SEMA3D: variants seen among roughly 807,000 people sequenced by gnomAD.
SEMA3D encodes the protein semaphorin 3D.
SEMA3D carries 84 observed loss-of-function variants against 100.1 expected under a neutral mutation model. That is an observed-to-expected ratio of 0.84 (90% CI 0.70 to 1.01). The LOEUF (loss-of-function observed/expected upper bound fraction) is 1.01, where lower values mean the gene tolerates loss of function less well. Ranked by LOEUF, SEMA3D falls within the 50% of genes least tolerant of loss-of-function variation. SEMA3D has a pLI of 0.00. For missense variants in SEMA3D, 875 were observed against 934.1 expected (o/e 0.94, Z 0.82); for synonymous variants, 312 against 320.7 (o/e 0.97, Z 0.29).
At chr7:85,197,660 G>A in the SEMA3D span, among the ~76,000 whole-genome samples, 1 of 152,222 alleles carries the variant, frequency 6.6e-6, no homozygotes, top group East Asian at 1.9e-4. Context: ...ATTTGGCTCA[G>A]AATAAATCTC....
intron 1 of SEMA3D, among the ~76,000 whole-genome samples, chr7:85,173,828 G>A (rs984725464): frequency 2.6e-5 from 4 of 152,130 alleles, no homozygotes; most frequent in Non-Finnish European, 4.4e-5. Context: ...AGCTGACAGA[G>A]CTAGTATCTG....
At chr7:85,119,324 T>C (rs1435064477) in intron 3 of SEMA3D, among the ~76,000 whole-genome samples, 1 of 152,192 alleles carries the variant, frequency 6.6e-6, no homozygotes, top group East Asian at 1.9e-4. Flanking sequence ...TGTATGTTCA[T>C]TGCAGCACTA....
chr7:85,245,018 A>G, the SEMA3D span, among the ~76,000 whole-genome samples: 56 of 152,202 alleles, frequency 3.7e-4, no homozygotes, highest in Middle Eastern at 3.4e-3. Flanking sequence ...GCCAGAATCT[A>G]TTTTGTTACT....
At chr7:85,063,313 C>A (rs1227767107) in intron 8 of SEMA3D, among the ~76,000 whole-genome samples, 1 of 152,084 alleles carries the variant, frequency 6.6e-6, no homozygotes, top group African/African-American at 2.4e-5. Flanking sequence ...ATGTCCTGGG[C>A]AAAGTAGGTC....
At chr7:85,081,632 ACT>A (rs1015584506) in intron 4 of SEMA3D, 53 bp from the exon 5 acceptor site, 6 of 1,185,698 alleles carry the variant, frequency 5.1e-6, no homozygotes, top group African/African-American at 1.5e-5. Flanking sequence ...ACACCCTAAC[ACT>A]CTGCAATTCT....
intron 4 of SEMA3D, among the ~76,000 whole-genome samples, chr7:85,086,365 T>C (rs531154960): frequency 5.9e-5 from 9 of 152,156 alleles, no homozygotes; most frequent in African/African-American, 1.9e-4. Context: ...TTATTCCTAA[T>C]TGATAAAGAA....
At chr7:85,225,053 TATATATATATATATATATATATATA>T in the SEMA3D span, among the ~76,000 whole-genome samples, 1 of 1,734 alleles carries the variant, frequency 5.8e-4, no homozygotes, top group East Asian at 0.017. Context: ...TTTTCTTTTA[TATATATATATATATATATATATATA>T]TATATATATA....
the SEMA3D span, among the ~76,000 whole-genome samples, chr7:85,248,976 A>G: frequency 6.6e-6 from 1 of 152,302 alleles, no homozygotes; most frequent in East Asian, 1.9e-4. Flanking sequence ...TAAACTATGG[A>G]CATTGGGTAA....
the SEMA3D span, among the ~76,000 whole-genome samples, chr7:85,200,508 G>A: frequency 6.6e-6 from 1 of 152,148 alleles, no homozygotes; most frequent in Non-Finnish European, 1.5e-5. Flanking sequence ...TCTGGCAGAA[G>A]AAATTTTCTG....
chr7:85,194,417 T>C, the SEMA3D span, among the ~76,000 whole-genome samples: 4 of 152,216 alleles, frequency 2.6e-5, no homozygotes, highest in Non-Finnish European at 5.9e-5. Context: ...TGAATGGGTG[T>C]TGGATTTCGT....
chr7:85,052,932 C>A (rs779487018), intron 9 of SEMA3D, among the ~76,000 whole-genome samples: 2 of 151,888 alleles, frequency 1.3e-5, no homozygotes, highest in Admixed American at 1.3e-4. Flanking sequence ...TTGCCAAAAT[C>A]TTTTCCCCAC....
the SEMA3D span, among the ~76,000 whole-genome samples, chr7:85,198,427 T>A: frequency 6.6e-6 from 1 of 152,142 alleles, no homozygotes; most frequent in South Asian, 2.1e-4. Flanking sequence ...CATGGATCCT[T>A]TGGGATTATT....
At chr7:85,199,121 G>C in the SEMA3D span, among the ~76,000 whole-genome samples, 1 of 151,572 alleles carries the variant, frequency 6.6e-6, no homozygotes, top group Non-Finnish European at 1.5e-5. Context: ...TTTTAATTGT[G>C]TTATTTTCTA....
At chr7:85,070,961 G>A (rs1283318090) in intron 6 of SEMA3D, among the ~76,000 whole-genome samples, 2 of 152,078 alleles carry the variant, frequency 1.3e-5, no homozygotes, top group African/African-American at 2.4e-5. Flanking sequence ...TGTATTATTA[G>A]AAAAGACGGG....
rs554070940 is a variant in SEMA3D at position 85,134,917 on chromosome 7, T to G, written c.-40-12986A>C. Among the ~76,000 whole-genome samples the G allele has an allele frequency of 2.6e-5, 4 of 152,030 alleles. No homozygotes were observed. In the Admixed American group the frequency reaches 2.6e-4, roughly 10 times the overall value. On this transcript the variant is annotated intron_variant, in intron 2 of 18. Transcript: ENST00000284136. ...GAACTATAGATGTTATAAAGATTCA[T>G]ACCCTCCAAAACGGGAGGAATAACT... is the stretch of plus-strand genomic sequence containing the variant.
intron 2 of SEMA3D, among the ~76,000 whole-genome samples, chr7:85,130,745 C>T (rs912743551): frequency 3.3e-5 from 5 of 151,902 alleles, no homozygotes; most frequent in Non-Finnish European, 7.4e-5. Flanking sequence ...TTATTTGTAC[C>T]TTATATGACT....
chr7:85,051,751 T>C lies in SEMA3D; in HGVS notation c.861+3966A>G, dbSNP rs563197307. ...CAAATATAAAAATCTGTGCTCATAA[T>C]TTTTTTTGTTATTTACCATCTCATA... On this transcript the variant is annotated intron_variant, in intron 9 of 18. Transcript: ENST00000284136. 5.9e-5 allele frequency among the ~76,000 whole-genome samples: 9 copies of C among 151,882 alleles called. No individual in the cohort carries two copies. In the East Asian group the frequency reaches 1.7e-3, roughly 29 times the overall value.
At chr7:85,171,800 T>A (rs1791089926) in intron 1 of SEMA3D, among the ~76,000 whole-genome samples, 1 of 152,046 alleles carries the variant, frequency 6.6e-6, no homozygotes, top group African/African-American at 2.4e-5. Context: ...TGAATTTATA[T>A]ATAAAAAAGG....
At chr7:85,178,022 A>G (rs1301648350) in intron 1 of SEMA3D, among the ~76,000 whole-genome samples, 2 of 152,136 alleles carry the variant, frequency 1.3e-5, no homozygotes, top group Non-Finnish European at 2.9e-5. Context: ...TGGTATTATA[A>G]GGGGCTTTCC....
Sources: gnomAD v4.1 joint callset for allele counts (sites outside exome capture counted in the v4.1 genomes callset) on GRCh38, gnomAD v4.1.1 for gene constraint, MANE v1.5 for transcripts, NCBI Gene and HGNC (gene_info 2026-07-23, HGNC 2026-07-21) for gene names.